Variants in TENM2 observed in about 807,000 individuals in gnomAD.
TENM2 encodes teneurin transmembrane protein 2.
In TENM2, 52 loss-of-function variants were observed where a neutral mutation model predicts 245.2. That is an observed-to-expected ratio of 0.21 (90% CI 0.17 to 0.27). The LOEUF is 0.27. Ranked by LOEUF, TENM2 falls within the 10% of genes least tolerant of loss-of-function variation. The pLI, the probability that TENM2 is intolerant of heterozygous loss-of-function variation, is 1.00. For missense variants in TENM2, 3,046 were observed against 3,666.8 expected, an observed-to-expected ratio of 0.83 and a Z score of 4.37; for synonymous variants, 1,363 against 1,438.9, an observed-to-expected ratio of 0.95 and a Z score of 1.19.
intron 2 of TENM2, among the ~76,000 whole-genome samples, chr5:167,493,996 GAC>G (rs1394983347): frequency 6.6e-6 from 1 of 151,880 alleles, no homozygotes; most frequent in Admixed American, 6.6e-5. Context: ...AGGGAGGAAA[GAC>G]AATTTCCAGA....
intron 2 of TENM2, among the ~76,000 whole-genome samples, chr5:167,714,562 T>C (rs1759130476): frequency 6.6e-6 from 1 of 152,154 alleles, no homozygotes; most frequent in African/African-American, 2.4e-5. Context: ...GAGCTCAGGA[T>C]TTTCCAACCT....
rs1780227885 is a variant in TENM2 at position 167,952,839 on chromosome 5, A to C, written c.947+17A>C. ...GGAGACCCGGTAAGTCCCCATCGCC[A>C]GCTCACAGTCACACTCAGTGTCACC... On this transcript the variant is annotated intron_variant, in intron 4 of 28. Coordinates refer to ENST00000518659, the Ensembl canonical transcript of TENM2. 1 of 1,547,158 alleles carries C rather than the reference A, an allele frequency of 6.5e-7. No individual in the cohort carries two copies.
chr5:167,250,979 A>G, the TENM2 span, among the ~76,000 whole-genome samples: 1 of 152,104 alleles, frequency 6.6e-6, no homozygotes, highest in Non-Finnish European at 1.5e-5. Context: ...ATTCAGGCAA[A>G]TTGCTTCTCT....
intron 2 of TENM2, among the ~76,000 whole-genome samples, chr5:167,842,683 C>T (rs1561844402): frequency 6.6e-6 from 1 of 151,318 alleles, no homozygotes; most frequent in Non-Finnish European, 1.5e-5. Flanking sequence ...GTAGAGTTTG[C>T]ACCCCATGTG....
intron 6 of TENM2, among the ~76,000 whole-genome samples, chr5:168,059,196 C>G (rs1326093583): frequency 6.6e-6 from 1 of 152,206 alleles, no homozygotes; most frequent in African/African-American, 2.4e-5. Flanking sequence ...GAGGACCTCA[C>G]TGCTATAAGA....
At chr5:167,953,964 A>G (rs1232234614) in intron 4 of TENM2, among the ~76,000 whole-genome samples, 1 of 152,124 alleles carries the variant, frequency 6.6e-6, no homozygotes, top group Non-Finnish European at 1.5e-5. Context: ...TTTTCTGACA[A>G]TTATAGGATT....
the TENM2 span, among the ~76,000 whole-genome samples, chr5:167,109,918 A>T: frequency 6.6e-6 from 1 of 152,196 alleles, no homozygotes; most frequent in Non-Finnish European, 1.5e-5. Flanking sequence ...TGAGAATTGT[A>T]TTGGCCATAT....
chr5:167,353,216 A>G (rs1458882965), intron 1 of TENM2, among the ~76,000 whole-genome samples: 2 of 151,464 alleles, frequency 1.3e-5, no homozygotes, highest in Non-Finnish European at 2.9e-5. Flanking sequence ...ACTTTTTGTT[A>G]TTTGAGGTCT....
At chr5:167,950,386 G>T (rs1393711245) in intron 3 of TENM2, among the ~76,000 whole-genome samples, 1 of 152,136 alleles carries the variant, frequency 6.6e-6, no homozygotes, top group African/African-American at 2.4e-5. Context: ...GGAGGGTCTG[G>T]TATCTCATTT....
At chr5:167,609,955 C>T (rs1777362765) in intron 2 of TENM2, among the ~76,000 whole-genome samples, 1 of 152,056 alleles carries the variant, frequency 6.6e-6, no homozygotes, top group Non-Finnish European at 1.5e-5. Flanking sequence ...CTCAGTCCCA[C>T]AAGACTGTCC....
upstream of TENM2, chr5:167,284,715 C>T (rs760445563): frequency 1.4e-6 from 1 of 702,948 alleles, no homozygotes; most frequent in African/African-American, 1.8e-5. Context: ...GAACTGAAGG[C>T]AGCATTTCTT....
exon 29 of TENM2, chr5:168,262,146 G>A (rs772013043): frequency 1.1e-5 from 18 of 1,613,594 alleles, no homozygotes; most frequent in African/African-American, 2.7e-5. Context: ...GCCAGCATCC[G>A]AGAGAAAGCA....
intron 25 of TENM2, among the ~76,000 whole-genome samples, chr5:168,238,082 T>C (rs974799992): frequency 6.8e-6 from 1 of 147,088 alleles, no homozygotes; most frequent in Non-Finnish European, 1.5e-5. Flanking sequence ...GAGGTGGAGC[T>C]TGCAGTGAGC....
At chr5:167,557,947 A>G (rs940053273) in intron 2 of TENM2, among the ~76,000 whole-genome samples, 2 of 152,272 alleles carry the variant, frequency 1.3e-5, no homozygotes, top group Non-Finnish European at 2.9e-5. Context: ...GAGAAAATAT[A>G]ACTTCTCATA....
At chr5:167,728,525 G>T (rs1233687149) in intron 2 of TENM2, among the ~76,000 whole-genome samples, 1 of 151,998 alleles carries the variant, frequency 6.6e-6, no homozygotes, top group Non-Finnish European at 1.5e-5. Flanking sequence ...GATTACTTGA[G>T]CCCCAGAGGT....
chr5:168,109,109 G>C (rs1423113416), intron 9 of TENM2, among the ~76,000 whole-genome samples: 6 of 152,122 alleles, frequency 3.9e-5, no homozygotes, highest in Admixed American at 3.9e-4. Context: ...CATGACTGCT[G>C]CCCAAAAGAA....
intron 2 of TENM2, among the ~76,000 whole-genome samples, chr5:167,399,166 C>T (rs1762234423): frequency 6.6e-6 from 1 of 152,094 alleles, no homozygotes; most frequent in South Asian, 2.1e-4. Flanking sequence ...TTCATTTTTG[C>T]TTTCATTTTG....
chr5:168,216,842 A>G (rs1472987954), exon 22 of TENM2: 3 of 1,613,860 alleles, frequency 1.9e-6, no homozygotes. Flanking sequence ...CCAGAATGGA[A>G]TCATCTCCAC....
At chr5:167,764,026 G>A (rs1762845049) in intron 2 of TENM2, among the ~76,000 whole-genome samples, 1 of 152,046 alleles carries the variant, frequency 6.6e-6, no homozygotes, top group African/African-American at 2.4e-5. Flanking sequence ...CTGATAGTGT[G>A]CATTGCGTGT....
Sources: gnomAD v4.1 joint callset for allele counts (sites outside exome capture counted in the v4.1 genomes callset) on GRCh38, gnomAD v4.1.1 for gene constraint, MANE v1.5 for transcripts, NCBI Gene and HGNC (gene_info 2026-07-23, HGNC 2026-07-21) for gene names.